The following B4GALNT3 variants were observed in gnomAD, a reference collection of about 807,000 sequenced individuals.
The protein encoded by B4GALNT3 is beta-1,4-N-acetyl-galactosaminyltransferase 3, also known as beta-1,4-N-acetylgalactosaminyltransferase 3.
Under a neutral mutation model 120.2 loss-of-function variants are expected in B4GALNT3, and 86 were observed. That is an observed-to-expected ratio of 0.72 (90% CI 0.60 to 0.86). The LOEUF (loss-of-function observed/expected upper bound fraction) is 0.86, where lower values mean the gene tolerates loss of function less well. Ranked by LOEUF, B4GALNT3 falls within the 40% of genes least tolerant of loss-of-function variation. The probability of loss-of-function intolerance (pLI) is 0.00; values close to 1 mark genes in which losing one functional copy is unlikely to be tolerated. For missense variants in B4GALNT3, 1,167 were observed against 1,298.9 expected (o/e 0.90, Z 1.56); for synonymous variants, 518 against 510.4 (o/e 1.01, Z -0.20).
intron 1 of B4GALNT3, among the ~76,000 whole-genome samples, chr12:467,869 C>T (rs971968572): frequency 6.6e-6 from 1 of 152,216 alleles, no homozygotes; most frequent in Non-Finnish European, 1.5e-5. Context: ...CTGTGCTTCT[C>T]TTGAGCGGTT....
chr12:559,531 G>A, intron 19 of B4GALNT3, 110 bp downstream of exon 19: 1 of 1,485,718 alleles, frequency 6.7e-7, no homozygotes, highest in East Asian at 2.3e-5. Flanking sequence ...GAGTCCCAAA[G>A]CACAGTAAAG....
chr12:532,949 G>A (rs577009637), intron 1 of B4GALNT3, among the ~76,000 whole-genome samples: 4 of 152,190 alleles, frequency 2.6e-5, no homozygotes, highest in Middle Eastern at 3.2e-3. Flanking sequence ...CACCTGAGAC[G>A]CACTGTAACT....
chr12:486,587 G>A lies in B4GALNT3; in HGVS notation c.169+26042G>A, dbSNP rs527402412. Among the ~76,000 whole-genome samples, 4 of 152,294 alleles carry A rather than the reference G, an allele frequency of 2.6e-5. No homozygotes were observed. The South Asian group carries it at 8.3e-4, about 32-fold the overall frequency. Reference sequence around the variant, plus strand: ...ACTTGCTGTCCTAACCTACCTAGGGGAGGGGAAATACCCAACACCAGCCCC... The same window carrying A: ...ACTTGCTGTCCTAACCTACCTAGGGAAGGGGAAATACCCAACACCAGCCCC... On this transcript the variant is annotated intron_variant, in intron 1 of 19. Transcript: ENST00000266383.
At chr12:535,302 A>C in intron 2 of B4GALNT3, 33 bp downstream of exon 2, 1 of 1,589,422 alleles carries the variant, frequency 6.3e-7, no homozygotes, top group Non-Finnish European at 8.6e-7. Context: ...GTCCCTGCTG[A>C]TGCCTTAACA....
chr12:530,729 C>T (rs1322633257), intron 1 of B4GALNT3, among the ~76,000 whole-genome samples: 1 of 152,060 alleles, frequency 6.6e-6, no homozygotes, highest in Non-Finnish European at 1.5e-5. Flanking sequence ...ATAACATATG[C>T]GAGAGTCTTA....
At chr12:490,343 C>CTCTA (rs1429373071) in intron 1 of B4GALNT3, among the ~76,000 whole-genome samples, 1 of 151,982 alleles carries the variant, frequency 6.6e-6, no homozygotes, top group Non-Finnish European at 1.5e-5. Flanking sequence ...ATTGATAAGC[C>CTCTA]TCTAAGCCAT....
intron 19 of B4GALNT3, among the ~76,000 whole-genome samples, chr12:559,867 A>G (rs1353823470): frequency 6.6e-6 from 1 of 152,160 alleles, no homozygotes; most frequent in Non-Finnish European, 1.5e-5. Context: ...GGCCAGCAGA[A>G]GAGACAGTGT....
chr12:511,681 C>A (rs1317997834), intron 1 of B4GALNT3, among the ~76,000 whole-genome samples: 2 of 144,144 alleles, frequency 1.4e-5, no homozygotes, highest in African/African-American at 2.6e-5. Flanking sequence ...CGCCTTCCGC[C>A]TTCCACCTTC....
chr12:511,367 A>G (rs1414142826), intron 1 of B4GALNT3, among the ~76,000 whole-genome samples: 2,814 of 45,528 alleles, frequency 0.062, 10 homozygotes, highest in Admixed American at 0.15. Flanking sequence ...TCCACCTTCA[A>G]CCTTCCGCCT....
At chr12:483,110 G>A (rs898480916) in intron 1 of B4GALNT3, among the ~76,000 whole-genome samples, 2 of 151,706 alleles carry the variant, frequency 1.3e-5, no homozygotes, top group Admixed American at 6.6e-5. Flanking sequence ...GGGTCTTACC[G>A]TGTTGCCCAG....
At chr12:466,713 T>C (rs139540954) in intron 1 of B4GALNT3, among the ~76,000 whole-genome samples, 4 of 152,344 alleles carry the variant, frequency 2.6e-5, no homozygotes, top group East Asian at 3.9e-4. Flanking sequence ...GAAGTATCCA[T>C]TGGATGAGCA....
intron 12 of B4GALNT3, 133 bp from the exon 13 acceptor site, chr12:552,334 C>T: frequency 4.3e-6 from 4 of 923,300 alleles, no homozygotes; most frequent in South Asian, 3.0e-5. Context: ...CACACACACA[C>T]ACCCGCTCAC....
chr12:466,851 A>G (rs567821278), intron 1 of B4GALNT3, among the ~76,000 whole-genome samples: 2 of 152,274 alleles, frequency 1.3e-5, no homozygotes, highest in African/African-American at 4.8e-5. Context: ...AAACATGCAA[A>G]TCGTCCCTGT....
At chr12:532,146 C>T (rs537833961) in intron 1 of B4GALNT3, among the ~76,000 whole-genome samples, 1 of 152,280 alleles carries the variant, frequency 6.6e-6, no homozygotes, top group East Asian at 1.9e-4. Flanking sequence ...GCTTGTCTTC[C>T]TACTCTATCA....
At chr12:541,811 C>G (rs1184166405) in intron 3 of B4GALNT3, among the ~76,000 whole-genome samples, 1 of 149,804 alleles carries the variant, frequency 6.7e-6, no homozygotes, top group African/African-American at 2.4e-5. Context: ...CCTCCCTCGG[C>G]CCTCCTCTCC....
chr12:543,969 ATCC>A (rs1376964986), intron 3 of B4GALNT3, among the ~76,000 whole-genome samples: 2 of 130,656 alleles, frequency 1.5e-5, no homozygotes, highest in Non-Finnish European at 3.2e-5. Flanking sequence ...TGGGATGCTC[ATCC>A]TCCTGGAGCT....
intron 2 of B4GALNT3, 142 bp from the exon 3 acceptor site, chr12:536,076 T>C: frequency 1.5e-6 from 1 of 652,826 alleles, no homozygotes; most frequent in Non-Finnish European, 2.8e-6. Flanking sequence ...TATGGAGATG[T>C]ATTCCCAGGA....
chr12:556,883 G>A lies in B4GALNT3; in HGVS notation c.2380+17G>A. The A allele has an allele frequency of 6.3e-7, 1 of 1,589,016 alleles. No individual in the cohort carries two copies. Among genetic ancestry groups the A allele is most frequent in the Non-Finnish European group, 8.6e-7 (1 of 1,163,464 alleles). Reference sequence around the variant, plus strand: ...TCGTGCCTGGTGAGCCTCAAGCTGAGCCTCGGCATTCTCAGGGGCGGGGTC... The same window carrying A: ...TCGTGCCTGGTGAGCCTCAAGCTGAACCTCGGCATTCTCAGGGGCGGGGTC... On this transcript the variant is annotated intron_variant, in intron 15 of 19. Coordinates refer to ENST00000266383, the MANE Select transcript of B4GALNT3 (RefSeq NM_173593.4).
Position 545,478 on chromosome 12 carries a change from A to C in B4GALNT3, c.639+9A>C. 6.3e-7 allele frequency: 1 copy of C among 1,590,514 alleles called. No homozygotes were observed. The highest frequency in any genetic ancestry group is 8.6e-7 in the Non-Finnish European group (1 of 1,168,402). ...TGGCCAGTGTGGGCAAGGTAAGGCCAGCTCAACCCCGGTCCCTCCCATCTG... is the reference window on the plus strand; with the variant it reads ...TGGCCAGTGTGGGCAAGGTAAGGCCCGCTCAACCCCGGTCCCTCCCATCTG... On this transcript the variant is annotated intron_variant, in intron 6 of 19. Transcript: ENST00000266383.
Sources: allele counts gnomAD v4.1 joint callset (sites outside exome capture counted in the v4.1 genomes callset), GRCh38; gene constraint gnomAD v4.1.1; transcripts MANE v1.5; gene names NCBI Gene and HGNC (gene_info 2026-07-23, HGNC 2026-07-21).